RASSF9: variants seen among roughly 807,000 people sequenced by gnomAD.
The protein encoded by RASSF9 is ras association domain-containing protein 9.
Under a neutral mutation model 21.4 loss-of-function variants are expected in RASSF9, and 18 were observed. That is an observed-to-expected ratio of 0.84 (90% CI 0.58 to 1.25). The LOEUF (loss-of-function observed/expected upper bound fraction) is 1.25. RASSF9 is among the 50% of genes most tolerant of loss of function. The pLI, the probability that RASSF9 is intolerant of heterozygous loss-of-function variation, is 0.00. For synonymous variants in RASSF9, 183 were observed against 179.1 expected (o/e 1.02, Z -0.18); for missense variants, 480 against 503.2 (o/e 0.95, Z 0.44).
chr12:85,817,546 A>G (rs1565754357), intron 1 of RASSF9, among the ~76,000 whole-genome samples: 1 of 152,034 alleles, frequency 6.6e-6, no homozygotes, highest in Non-Finnish European at 1.5e-5. Context: ...ACAATTTTTA[A>G]TAAAAATTTT....
intron 1 of RASSF9, among the ~76,000 whole-genome samples, chr12:85,827,401 G>A (rs1318411331): frequency 3.3e-5 from 5 of 151,906 alleles, no homozygotes; most frequent in South Asian, 2.1e-4. Flanking sequence ...TAATGTCACC[G>A]CAACTAGAGT....
intron 1 of RASSF9, among the ~76,000 whole-genome samples, chr12:85,807,597 G>A (rs1380731439): frequency 2.0e-5 from 3 of 152,048 alleles, no homozygotes; most frequent in African/African-American, 7.2e-5. Flanking sequence ...AAAGGAATCA[G>A]AGTTGGGATA....
At position 85,805,905 on chromosome 12, in the gene RASSF9, T is replaced by C. The variant is rs371889527; in HGVS notation, c.105A>G (p.Gln35=). ...TCAGCCCACAGACAAGCTTCTCTTC[T>C]TGGCAAACCCAAACCACAATTTCCT... ...EEKEIVVWVC[Q]EEKLVCGLTK... The change falls in exon 2 of 2, where the codon CAA becomes CAG. Residue 35 remains glutamine (Q), a synonymous_variant. Transcript: ENST00000361228. 7.1e-5 allele frequency: 115 copies of C among 1,613,684 alleles called. 1 individual carries two copies. Among genetic ancestry groups the C allele is most frequent in the South Asian group, 1.1e-5 (1 of 91,068 alleles).
chr12:85,808,184 T>C (rs1879876812), intron 1 of RASSF9, among the ~76,000 whole-genome samples: 1 of 152,120 alleles, frequency 6.6e-6, no homozygotes, highest in African/African-American at 2.4e-5. Context: ...TCTTATACTT[T>C]GGTTATTGAC....
In RASSF9 at chr12:85,802,050, A is replaced by C. The variant is rs186179056; in HGVS notation, c.*2652T>G. The C allele has an allele frequency of 6.7e-4, 102 of 152,348 alleles. No homozygotes were observed. The highest frequency in any genetic ancestry group is 2.4e-3 in the African/African-American group (100 of 41,582). The allele number at this position is 152,348 out of a possible 1,614,324, so 9.4% of individuals were successfully genotyped here. On this transcript the variant is annotated 3_prime_UTR_variant, in exon 2 of 2. Transcript: ENST00000361228. ...AGAGCATTGCAGAAGGATAAAAAGG[A>C]GAATTCCAAGTGGAAGGATGACCAA... is the stretch of plus-strand genomic sequence containing the variant.
Position 85,804,646 on chromosome 12 carries a change from TATTAA to T in RASSF9, c.*51_*55del. The T allele has an allele frequency of 6.9e-7, 1 of 1,442,486 alleles. No individual in the cohort carries two copies. Among genetic ancestry groups the T allele is most frequent in the African/African-American group, 1.4e-5 (1 of 70,524 alleles). 89.4% of individuals were successfully genotyped at this position (1,442,486 alleles called of 1,614,324 possible). On this transcript the variant is annotated 3_prime_UTR_variant, in exon 2 of 2. Coordinates refer to ENST00000361228, the MANE Select transcript of RASSF9 (RefSeq NM_005447.4). ...GTGTTATATTTAAAATGAGGTTTCC[TATTAA>T]ATTAAACAAACATTAAAACATGAAA...
intron 1 of RASSF9, among the ~76,000 whole-genome samples, chr12:85,808,455 TTCA>T (rs1357804250): frequency 6.6e-6 from 1 of 152,130 alleles, no homozygotes; most frequent in African/African-American, 2.4e-5. Context: ...ATGTTTATAA[TTCA>T]TCATTTAATA....
intron 1 of RASSF9, among the ~76,000 whole-genome samples, chr12:85,818,956 CAAAAA>C (rs60760019): frequency 3.0e-5 from 2 of 66,624 alleles, no homozygotes; most frequent in African/African-American, 1.2e-4. Context: ...GAGACTCCGT[CAAAAA>C]AAAAAAAAAA....
At chr12:85,832,669 G>A (rs539363197) in intron 1 of RASSF9, among the ~76,000 whole-genome samples, 64 of 151,890 alleles carry the variant, frequency 4.2e-4, no homozygotes, top group South Asian at 1.0e-3. Flanking sequence ...GCGACTTTTA[G>A]AAAACACTTT....
chr12:85,821,942 G>A (rs1027402167), intron 1 of RASSF9, among the ~76,000 whole-genome samples: 1 of 152,114 alleles, frequency 6.6e-6, no homozygotes, highest in Admixed American at 6.6e-5. Flanking sequence ...TTTAACATGT[G>A]TTATTTACCA....
rs1449149617 is a variant in RASSF9, at chr12:85,801,158, T to C, written c.*3544A>G. 9 of 152,076 alleles carry C rather than the reference T, an allele frequency of 5.9e-5. No individual in the cohort carries two copies. 9.4% of individuals were successfully genotyped at this position (152,076 alleles called of 1,614,324 possible). A position where few individuals can be genotyped will look rare whatever the true frequency, so the allele number is the denominator to read the frequency against. On this transcript the variant is annotated 3_prime_UTR_variant, in exon 2 of 2. Coordinates refer to ENST00000361228, the MANE Select transcript of RASSF9 (RefSeq NM_005447.4). ...CATAAGCACACAATGAAATAAAAAATTCTATAATATAACCATTAAATCAGC... is the reference window on the plus strand; with the variant it reads ...CATAAGCACACAATGAAATAAAAAACTCTATAATATAACCATTAAATCAGC...
At position 85,827,150 on chromosome 12, in the gene RASSF9, A is replaced by G. The variant is rs149462525; in HGVS notation, c.47+9005T>C. ...CCTCTACTTTATGTATTTAACTGGC[A>G]TCTGAAACTTAGCAAGGCTAGAGAA... On this transcript the variant is annotated intron_variant, in intron 1 of 1. Coordinates refer to ENST00000361228, the MANE Select transcript of RASSF9 (RefSeq NM_005447.4). 7.0e-3 allele frequency among the ~76,000 whole-genome samples: 1,066 copies of G among 152,308 alleles called. 7 individuals carry two copies. Among genetic ancestry groups the G allele is most frequent in the Non-Finnish European group, 9.3e-3 (635 of 68,028 alleles).
chr12:85,816,163 G>A (rs912653190), intron 1 of RASSF9, among the ~76,000 whole-genome samples: 3 of 152,078 alleles, frequency 2.0e-5, no homozygotes, highest in African/African-American at 7.2e-5. Flanking sequence ...AGAGGGTAGA[G>A]AGTGGGAGGA....
intron 1 of RASSF9, among the ~76,000 whole-genome samples, chr12:85,822,328 T>C (rs1880229113): frequency 6.6e-6 from 1 of 152,218 alleles, no homozygotes; most frequent in African/African-American, 2.4e-5. Context: ...GGAATTTCAG[T>C]TATCCAGTTG....
intron 1 of RASSF9, among the ~76,000 whole-genome samples, chr12:85,812,744 A>T (rs1465279972): frequency 6.6e-6 from 1 of 151,702 alleles, no homozygotes; most frequent in African/African-American, 2.4e-5. Flanking sequence ...AATTACCACT[A>T]TTATTATTTA....
chr12:85,834,049 CAA>C (rs1409152084), intron 1 of RASSF9, among the ~76,000 whole-genome samples: 6 of 151,934 alleles, frequency 3.9e-5, no homozygotes, highest in Non-Finnish European at 8.8e-5. Context: ...AAAAACAAAA[CAA>C]AAGACCCTGT....
At chr12:85,814,696 C>A (rs1880023932) in intron 1 of RASSF9, among the ~76,000 whole-genome samples, 1 of 151,838 alleles carries the variant, frequency 6.6e-6, no homozygotes, top group Middle Eastern at 3.4e-3. Flanking sequence ...CATCATCAAC[C>A]TTTATGCTTG....
At chr12:85,807,369 G>C (rs1458868139) in intron 1 of RASSF9, among the ~76,000 whole-genome samples, 1 of 152,032 alleles carries the variant, frequency 6.6e-6, no homozygotes, top group African/African-American at 2.4e-5. Flanking sequence ...TTTAGAGAAG[G>C]GGGAAGCCAA....
intron 1 of RASSF9, among the ~76,000 whole-genome samples, chr12:85,820,034 G>C (rs562172231): frequency 6.6e-6 from 1 of 152,228 alleles, no homozygotes; most frequent in South Asian, 2.1e-4. Context: ...GAAATTATTT[G>C]GCTACCACAG....
Sources: allele counts gnomAD v4.1 joint callset (sites outside exome capture counted in the v4.1 genomes callset), GRCh38; gene constraint gnomAD v4.1.1; transcripts MANE v1.5; gene names NCBI Gene and HGNC (gene_info 2026-07-23, HGNC 2026-07-21).